The following CALCRL variants were observed in gnomAD, a reference collection of about 807,000 sequenced individuals.
CALCRL encodes the protein calcitonin gene-related peptide type 1 receptor.
Under a neutral mutation model 60.4 loss-of-function variants are expected in CALCRL, and 27 were observed. That is an observed-to-expected ratio of 0.45 (90% confidence interval 0.33 to 0.62). CALCRL has a LOEUF of 0.62. Ranked by LOEUF, CALCRL falls within the 20% of genes least tolerant of loss-of-function variation. The pLI is 0.03. For missense variants in CALCRL, 424 were observed against 540.7 expected, an observed-to-expected ratio of 0.78 and a Z score of 2.14; for synonymous variants, 190 against 182.6, an observed-to-expected ratio of 1.04 and a Z score of -0.33.
At chr2:187,401,583 T>C (rs1473863687) in intron 1 of CALCRL, among the ~76,000 whole-genome samples, 1 of 151,616 alleles carries the variant, frequency 6.6e-6, no homozygotes, top group Non-Finnish European at 1.5e-5. Flanking sequence ...AGGGAAAAGA[T>C]CTATATACAT....
Position 187,351,606 on chromosome 2 carries a change from T to C in CALCRL, c.1170+314A>G, listed in dbSNP as rs1036173158. Reference sequence around the variant, plus strand: ...GTGTATGTTCTATGAGATTTGGGATTGCCTGGCACTGTATCTGGGGAAAAG... The same window carrying C: ...GTGTATGTTCTATGAGATTTGGGATCGCCTGGCACTGTATCTGGGGAAAAG... On this transcript the variant is annotated intron_variant, in intron 14 of 14. Coordinates refer to ENST00000392370, the MANE Select transcript of CALCRL (RefSeq NM_005795.6). Among the ~76,000 whole-genome samples the C allele has an allele frequency of 4.0e-5, 6 of 151,882 alleles. No individual in the cohort carries two copies. The South Asian group carries it at 1.2e-3, about 31-fold the overall frequency.
At chr2:187,376,555 T>C (rs537262408) in intron 8 of CALCRL, among the ~76,000 whole-genome samples, 43 of 152,300 alleles carry the variant, frequency 2.8e-4, no homozygotes, top group African/African-American at 9.6e-4. Flanking sequence ...GCTTGCAGCA[T>C]TGTTTTCACT....
intron 1 of CALCRL, among the ~76,000 whole-genome samples, chr2:187,443,549 T>C (rs987584880): frequency 4.0e-5 from 6 of 151,706 alleles, no homozygotes; most frequent in African/African-American, 1.2e-4. Context: ...ATTTCTAAAA[T>C]AAATGCATAT....
At chr2:187,361,486 C>A (rs148185050) in intron 9 of CALCRL, among the ~76,000 whole-genome samples, 1 of 151,862 alleles carries the variant, frequency 6.6e-6, no homozygotes, top group Non-Finnish European at 1.5e-5. Context: ...CCTATTGGCT[C>A]CAGTTTCTAG....
At chr2:187,431,247 C>T (rs1489890601) in intron 1 of CALCRL, 1 of 154,762 alleles carries the variant, frequency 6.5e-6, no homozygotes, top group Non-Finnish European at 1.5e-5. Context: ...GGAAATGCAA[C>T]ATGTTACTTT....
rs551393717 is a variant in CALCRL, at chr2:187,389,124, G to A, written c.-292-1368C>T. 1.3e-4 allele frequency among the ~76,000 whole-genome samples: 20 copies of A among 148,914 alleles called. 1 individual carries two copies. In the South Asian group the frequency reaches 4.2e-3, roughly 31 times the overall value. On this transcript the variant is annotated intron_variant, in intron 1 of 14. Coordinates refer to ENST00000392370, the MANE Select transcript of CALCRL (RefSeq NM_005795.6). The stretch of plus-strand genomic sequence containing the variant: ...CTCTCGCTCTGTACCCCAAGCTGGA[G>A]TGCAGTGGTACGATCTTGGCTCACT...
At chr2:187,399,568 A>G (rs549293509) in intron 1 of CALCRL, among the ~76,000 whole-genome samples, 2 of 151,606 alleles carry the variant, frequency 1.3e-5, no homozygotes, top group African/African-American at 2.4e-5. Context: ...AGCACACAGA[A>G]TGGGAGAAAA....
chr2:187,399,690 A>G (rs74408202), intron 1 of CALCRL, among the ~76,000 whole-genome samples: 2,977 of 151,670 alleles, frequency 0.02, 97 homozygotes, highest in African/African-American at 0.067. Flanking sequence ...CAGAGAAGAT[A>G]TGGAGTCAAT....
intron 7 of CALCRL, 34 bp from the exon 8 acceptor site, chr2:187,379,065 T>C: frequency 9.5e-7 from 1 of 1,056,412 alleles, no homozygotes; most frequent in South Asian, 1.3e-5. Flanking sequence ...ATTTGGTTCA[T>C]ATCAATACTA....
chr2:187,371,170 G>T (rs1358948210), intron 8 of CALCRL, among the ~76,000 whole-genome samples: 1 of 151,872 alleles, frequency 6.6e-6, no homozygotes, highest in Non-Finnish European at 1.5e-5. Flanking sequence ...TGTGAACCTG[G>T]GCGGGAGCTT....
intron 1 of CALCRL, among the ~76,000 whole-genome samples, chr2:187,391,815 A>G (rs1338778917): frequency 1.3e-5 from 2 of 152,114 alleles, no homozygotes; most frequent in African/African-American, 4.8e-5. Context: ...AAAAATAAAA[A>G]TGTCTTAAAA....
At chr2:187,404,465 T>C (rs1015355832) in intron 1 of CALCRL, among the ~76,000 whole-genome samples, 1 of 151,618 alleles carries the variant, frequency 6.6e-6, no homozygotes, top group Non-Finnish European at 1.5e-5. Flanking sequence ...ATTAATGATA[T>C]GAAATGGTTC....
At chr2:187,432,140 A>G (rs543526913) in intron 1 of CALCRL, among the ~76,000 whole-genome samples, 1 of 152,254 alleles carries the variant, frequency 6.6e-6, no homozygotes, top group Admixed American at 6.5e-5. Flanking sequence ...TCTTGTCAGT[A>G]ATGAGTTTTA....
intron 9 of CALCRL, among the ~76,000 whole-genome samples, chr2:187,362,155 A>G (rs1262353876): frequency 2.0e-5 from 3 of 152,054 alleles, no homozygotes; most frequent in Admixed American, 6.6e-5. Context: ...TATGCAGGGC[A>G]TTAGTAACAG....
rs1298605564 is a variant in CALCRL, at chr2:187,346,132, A to G, written c.*52T>C. ...TTCTGGCTACAGAGTCATGGGTCCA[A>G]GTCCTTGAGTTAGGAGAAGCACAAA... On this transcript the variant is annotated 3_prime_UTR_variant, in exon 15 of 15. Coordinates refer to ENST00000392370, the MANE Select transcript of CALCRL (RefSeq NM_005795.6). 8.5e-7 allele frequency: 1 copy of G among 1,175,104 alleles called. No individual in the cohort carries two copies. The highest frequency in any genetic ancestry group is 1.5e-5 in the African/African-American group (1 of 64,884). The allele number at this position is 1,175,104 out of a possible 1,614,324, so 72.8% of individuals were successfully genotyped here.
intron 8 of CALCRL, among the ~76,000 whole-genome samples, chr2:187,367,276 T>A (rs1687339959): frequency 6.6e-6 from 1 of 152,124 alleles, no homozygotes; most frequent in Non-Finnish European, 1.5e-5. Flanking sequence ...TGCCCAAATT[T>A]TAGTAAACTG....
chr2:187,433,416 T>C (rs929793279), intron 1 of CALCRL, among the ~76,000 whole-genome samples: 7 of 152,070 alleles, frequency 4.6e-5, no homozygotes, highest in African/African-American at 1.7e-4. Context: ...CATATATTAA[T>C]AAAATTACAA....
rs975375862 is a variant in CALCRL at position 187,342,724 on chromosome 2, C to A, written c.*3460G>T. On this transcript the variant is annotated 3_prime_UTR_variant, in exon 15 of 15. Coordinates refer to ENST00000392370, the MANE Select transcript of CALCRL (RefSeq NM_005795.6). ...TTAAGTGGAATGCAACTGATTATTG[C>A]CCTAAGGATAGAGTGGTTTTGCACT... Among the ~76,000 whole-genome samples the A allele has an allele frequency of 4.0e-5, 6 of 151,320 alleles. No individual in the cohort carries two copies. The highest frequency in any genetic ancestry group is 4.0e-4 in the Admixed American group (6 of 15,150).
At chr2:187,378,791 A>G (rs1303949331) in intron 8 of CALCRL, 149 bp downstream of exon 8, 2 of 523,574 alleles carry the variant, frequency 3.8e-6, no homozygotes, top group African/African-American at 1.9e-5. Context: ...ATATTTTACA[A>G]AGCTAAGATC....
Sources: allele counts gnomAD v4.1 joint callset (sites outside exome capture counted in the v4.1 genomes callset), GRCh38; gene constraint gnomAD v4.1.1; transcripts MANE v1.5; gene names NCBI Gene and HGNC (gene_info 2026-07-23, HGNC 2026-07-21).